SLC41A3: variants seen among roughly 807,000 people sequenced by gnomAD.
SLC41A3 encodes solute carrier family 41 member 3, also known as SLC41A1-like 2.
A neutral mutation model predicts 45.4 loss-of-function variants in SLC41A3; 44 were observed. That is an observed-to-expected ratio of 0.97 (90% confidence interval 0.76 to 1.25). The LOEUF (loss-of-function observed/expected upper bound fraction) is 1.25, where lower values mean the gene tolerates loss of function less well. Ranked by LOEUF, SLC41A3 falls within the 50% of genes most tolerant of loss-of-function variation. The pLI is 0.00. For synonymous variants in SLC41A3, 256 were observed against 252.4 expected, an observed-to-expected ratio of 1.01 and a Z score of -0.13; for missense variants, 550 against 600.6, an observed-to-expected ratio of 0.92 and a Z score of 0.88.
intron 5 of SLC41A3, chr3:126,024,745 G>A (rs762720108): frequency 6.6e-6 from 1 of 152,256 alleles, no homozygotes; most frequent in Non-Finnish European, 1.5e-5. Flanking sequence ...CTGAACCAAA[G>A]CAAGGCACGT....
intron 5 of SLC41A3, 75 bp from the exon 6 acceptor site, chr3:126,023,007 CA>C: frequency 6.3e-7 from 1 of 1,580,176 alleles, no homozygotes; most frequent in Non-Finnish European, 8.6e-7. Context: ...CACAGCAGCA[CA>C]GGGATGGGCG....
At chr3:126,074,121 A>G (rs948836345) in intron 1 of SLC41A3, among the ~76,000 whole-genome samples, 1 of 151,976 alleles carries the variant, frequency 6.6e-6, no homozygotes, top group Non-Finnish European at 1.5e-5. Flanking sequence ...TTTGGCAACA[A>G]CTAACACTCT....
At chr3:126,037,808 T>C (rs962821780) in intron 3 of SLC41A3, among the ~76,000 whole-genome samples, 3 of 152,242 alleles carry the variant, frequency 2.0e-5, no homozygotes, top group Non-Finnish European at 2.9e-5. Flanking sequence ...CCAGTGCTGA[T>C]AGTCAACACA....
At position 126,006,964 on chromosome 3, in the gene SLC41A3, C is replaced by A. The variant is rs1191201311; in HGVS notation, c.*52G>T. On this transcript the variant is annotated 3_prime_UTR_variant, in exon 11 of 11. Coordinates refer to ENST00000360370, the MANE Select transcript of SLC41A3 (RefSeq NM_017836.4). Reference sequence around the variant, plus strand: ...CAAGGGAGAAACTGAATTCTGTATCCCACTGATGTGAGAGGAAATTCTAAT... The same window carrying A: ...CAAGGGAGAAACTGAATTCTGTATCACACTGATGTGAGAGGAAATTCTAAT... 1.2e-6 allele frequency: 2 copies of A among 1,611,768 alleles called. No individual in the cohort carries two copies. Among genetic ancestry groups the A allele is most frequent in the Non-Finnish European group, 1.7e-6 (2 of 1,178,608 alleles).
intron 1 of SLC41A3, among the ~76,000 whole-genome samples, chr3:126,075,558 A>T (rs1232595715): frequency 6.6e-6 from 1 of 152,212 alleles, no homozygotes; most frequent in African/African-American, 2.4e-5. Flanking sequence ...CCTGAAAAAA[A>T]AGAATGAAGT....
At chr3:126,088,600 A>T (rs1195469724), upstream of SLC41A3, among the ~76,000 whole-genome samples, 2 of 152,216 alleles carry the variant, frequency 1.3e-5, no homozygotes, top group African/African-American at 2.4e-5. Context: ...TGAAGAAAAA[A>T]ATATATACAG....
chr3:126,089,565 G>A (rs1945452193), intron 1 of SLC41A3, among the ~76,000 whole-genome samples: 1 of 152,140 alleles, frequency 6.6e-6, no homozygotes, highest in Non-Finnish European at 1.5e-5. Flanking sequence ...AAGGTTTTCT[G>A]AACCCACATA....
intron 2 of SLC41A3, among the ~76,000 whole-genome samples, chr3:126,055,509 GT>G (rs1336946632): frequency 6.6e-6 from 1 of 151,958 alleles, no homozygotes; most frequent in African/African-American, 2.4e-5. Flanking sequence ...GCAAGACTCT[GT>G]CTCAAAAAAA....
At position 126,058,939 on chromosome 3, in the gene SLC41A3, CCAGAGCCTAA is replaced by C. The variant is rs1943843187; in HGVS notation, c.274-7899_274-7890del. The stretch of plus-strand genomic sequence containing the variant: ...GGCCAGCTGAGGCACCTCCTCTCAG[CCAGAGCCTAA>C]CAGCTCTTTCCCCAGAATTCCCAAC... On this transcript the variant is annotated intron_variant, in intron 2 of 10. Coordinates refer to ENST00000360370, the MANE Select transcript of SLC41A3 (RefSeq NM_017836.4). Among the ~76,000 whole-genome samples, 7 of 152,106 alleles carry C rather than the reference CCAGAGCCTAA, an allele frequency of 4.6e-5. No homozygotes were observed. The South Asian group carries it at 1.4e-3, about 31-fold the overall frequency.
intron 3 of SLC41A3, among the ~76,000 whole-genome samples, chr3:126,036,987 G>C (rs910408900): frequency 6.6e-6 from 1 of 152,134 alleles, no homozygotes; most frequent in Non-Finnish European, 1.5e-5. Flanking sequence ...AGACAGTCAC[G>C]CATATGGTTT....
At chr3:126,098,298 C>G (rs535237196) in intron 1 of SLC41A3, among the ~76,000 whole-genome samples, 1 of 152,132 alleles carries the variant, frequency 6.6e-6, no homozygotes, top group Non-Finnish European at 1.5e-5. Flanking sequence ...GGGGAGACCT[C>G]CCTCTGCACA....
chr3:126,022,924 T>G lies in SLC41A3; in HGVS notation c.607A>C (p.Met203Leu). The G allele has an allele frequency of 6.2e-7, 1 of 1,614,070 alleles. No homozygotes were observed. The highest frequency in any genetic ancestry group is 8.5e-7 in the Non-Finnish European group (1 of 1,179,992). ...CGAGCACCAATCACTATACAGACCATCAGCACCCCTGCAGAGAGAGAGAGG... is the reference window on the plus strand; with the variant it reads ...CGAGCACCAATCACTATACAGACCAGCAGCACCCCTGCAGAGAGAGAGAGG... Reference protein sequence around the residue: ...FLAAFALGVLMVCIVIGARKL... With the variant: ...FLAAFALGVLLVCIVIGARKL... Residue 203 changes from methionine (M) to leucine (L), a missense_variant, in exon 6 of 11, where the codon ATG (methionine) becomes CTG (leucine). Coordinates refer to ENST00000360370, the MANE Select transcript of SLC41A3 (RefSeq NM_017836.4).
intron 1 of SLC41A3, among the ~76,000 whole-genome samples, chr3:126,094,476 G>GA (rs1168707581): frequency 1.3e-5 from 2 of 152,002 alleles, no homozygotes; most frequent in African/African-American, 4.8e-5. Context: ...TCGTAATTAA[G>GA]AAAAAAATCA....
At chr3:126,064,411 C>T (rs1431663464) in intron 2 of SLC41A3, among the ~76,000 whole-genome samples, 1 of 152,100 alleles carries the variant, frequency 6.6e-6, no homozygotes, top group Non-Finnish European at 1.5e-5. Flanking sequence ...CCCCACATCC[C>T]CTGCTGACTC....
intron 5 of SLC41A3, chr3:126,024,379 T>C (rs917402494): frequency 2.6e-5 from 4 of 152,258 alleles, no homozygotes; most frequent in African/African-American, 9.6e-5. Context: ...TGTTCTTCTC[T>C]GGAAAGTCTG....
chr3:126,068,579 T>A (rs1944468338), intron 1 of SLC41A3, among the ~76,000 whole-genome samples: 1 of 152,232 alleles, frequency 6.6e-6, no homozygotes, highest in African/African-American at 2.4e-5. Context: ...TCAGAACTCT[T>A]ACTGATACCA....
chr3:126,051,801 C>T (rs938885020), intron 2 of SLC41A3, among the ~76,000 whole-genome samples: 8 of 152,160 alleles, frequency 5.3e-5, no homozygotes, highest in African/African-American at 1.7e-4. Context: ...TGACGCCTAA[C>T]ACTAGAAGCT....
rs1160581293 is a variant in SLC41A3, at chr3:126,050,952, G to C, written c.372C>G (p.Leu124=). ...GNLEMTLASR[L]STAANTGQID... ...CCAGGTGTCCACTTACAGCTGTGGA[G>C]AGTCTGGATGCCAGTGTCATCTCCA... is the stretch of plus-strand genomic sequence containing the variant. Residue 124 remains leucine (L), a synonymous_variant, in exon 3 of 11, where the codon CTC becomes CTG. Transcript: ENST00000360370. 2 of 1,612,342 alleles carry C rather than the reference G, an allele frequency of 1.2e-6. No homozygotes were observed. Among genetic ancestry groups the C allele is most frequent in the Non-Finnish European group, 1.7e-6 (2 of 1,179,278 alleles).
At chr3:126,048,497 T>C (rs1331767674) in intron 3 of SLC41A3, among the ~76,000 whole-genome samples, 1 of 152,274 alleles carries the variant, frequency 6.6e-6, no homozygotes, top group Non-Finnish European at 1.5e-5. Context: ...TACAGTTTTC[T>C]AAGTGATTTG....
Sources: allele counts gnomAD v4.1 joint callset (sites outside exome capture counted in the v4.1 genomes callset), GRCh38; gene constraint gnomAD v4.1.1; transcripts MANE v1.5; gene names NCBI Gene and HGNC (gene_info 2026-07-23, HGNC 2026-07-21).